Variants in VAV3 observed in about 807,000 individuals in gnomAD.
The protein encoded by VAV3 is guanine nucleotide exchange factor VAV3.
A neutral mutation model predicts 131.2 loss-of-function variants in VAV3; 94 were observed. The observed-to-expected ratio is 0.72, with a 90% CI of 0.61 to 0.85. The LOEUF (loss-of-function observed/expected upper bound fraction) is 0.85, where lower values mean the gene tolerates loss of function less well. VAV3 is among the 40% of genes least tolerant of loss of function. The pLI, the probability that VAV3 is intolerant of heterozygous loss-of-function variation, is 0.00. For missense variants in VAV3, 939 were observed against 1,002.7 expected, an observed-to-expected ratio of 0.94 and a Z score of 0.86; for synonymous variants, 349 against 342.0, an observed-to-expected ratio of 1.02 and a Z score of -0.22.
intron 25 of VAV3, among the ~76,000 whole-genome samples, chr1:107,577,583 G>T (rs907056019): frequency 5.3e-5 from 8 of 152,162 alleles, no homozygotes; most frequent in African/African-American, 1.9e-4. Context: ...GACAGCTTCT[G>T]GGACCTTTCC....
At chr1:107,658,898 T>C (rs1570701211) in intron 19 of VAV3, among the ~76,000 whole-genome samples, 2 of 152,042 alleles carry the variant, frequency 1.3e-5, no homozygotes, top group Admixed American at 1.3e-4. Flanking sequence ...ATTCTGTAGG[T>C]TGTCTGTTCA....
At chr1:107,631,452 T>C (rs1654472971) in intron 20 of VAV3, among the ~76,000 whole-genome samples, 1 of 146,000 alleles carries the variant, frequency 6.8e-6, no homozygotes, top group African/African-American at 2.5e-5. Context: ...TCTTCCACTC[T>C]AGTATACTTT....
intron 2 of VAV3, among the ~76,000 whole-genome samples, chr1:107,809,156 C>T (rs1667201005): frequency 6.6e-6 from 1 of 152,114 alleles, no homozygotes. Flanking sequence ...TTATTCTTGG[C>T]AACTGAAAAA....
intron 15 of VAV3, among the ~76,000 whole-genome samples, chr1:107,736,735 C>A (rs2101996970): frequency 6.6e-6 from 1 of 151,962 alleles, no homozygotes; most frequent in East Asian, 1.9e-4. Context: ...ACATTCCATG[C>A]TCATGGATAG....
At chr1:107,758,951 C>T (rs1331410935) in intron 10 of VAV3, among the ~76,000 whole-genome samples, 1 of 152,190 alleles carries the variant, frequency 6.6e-6, no homozygotes, top group Non-Finnish European at 1.5e-5. Flanking sequence ...TGACCCCTTA[C>T]TCTTCCTTTA....
At chr1:107,699,425 GC>G (rs1408850565) in intron 17 of VAV3, among the ~76,000 whole-genome samples, 4 of 152,242 alleles carry the variant, frequency 2.6e-5, no homozygotes, top group Non-Finnish European at 5.9e-5. Context: ...GCAGGGTACA[GC>G]CCCCCTCCTG....
intron 2 of VAV3, among the ~76,000 whole-genome samples, chr1:107,796,784 T>TA (rs1214152684): frequency 9.2e-6 from 1 of 108,972 alleles, no homozygotes; most frequent in East Asian, 2.2e-4. Flanking sequence ...GACATGCTGT[T>TA]ATTTGTAAAA....
Position 107,875,138 on chromosome 1 carries a change from T to C in VAV3, c.205-121A>G, listed in dbSNP as rs527873765. The C allele has an allele frequency of 4.7e-6, 4 of 856,844 alleles. No individual in the cohort carries two copies. In the African/African-American group the frequency reaches 5.1e-5, roughly 11 times the overall value. 53.1% of individuals were successfully genotyped at this position (856,844 alleles called of 1,614,324 possible). ...AGCATCAAGCAGCCTTTGAAGTTGC[T>C]TTTCAATTACTCATTCAGCAGTACT... On this transcript the variant is annotated intron_variant, in intron 1 of 26. Transcript: ENST00000370056.
Position 107,770,630 on chromosome 1 carries a change from A to G in VAV3, c.648+6T>C. The G allele has an allele frequency of 6.4e-7, 1 of 1,573,498 alleles. No individual in the cohort carries two copies. The highest frequency in any genetic ancestry group is 8.7e-7 in the Non-Finnish European group (1 of 1,144,110). ...TGGGCATCAAAAATAATACCTGATG[A>G]CTTACCTTTTCTATTGACTCCAAAG... On this transcript the variant is annotated splice_donor_region_variant and intron_variant, in intron 6 of 26. Coordinates refer to ENST00000370056, the MANE Select transcript of VAV3 (RefSeq NM_006113.5).
rs385585 is a variant in VAV3, at chr1:107,929,307, A to T, written c.204+35359T>A. 1.7e-3 allele frequency among the ~76,000 whole-genome samples: 247 copies of T among 144,388 alleles called. 18 individuals are homozygous for T. The highest frequency in any genetic ancestry group is 0.011 in the Middle Eastern group (3 of 272). 94.7% of individuals were successfully genotyped at this position (144,388 alleles called of 152,430 possible). Reference sequence around the variant, plus strand: ...TGTCTCAAAAAAAAAAAAAAAAAAAATTATGCCCTAGAACAGTATATTCAG... The same window carrying T: ...TGTCTCAAAAAAAAAAAAAAAAAAATTTATGCCCTAGAACAGTATATTCAG... On this transcript the variant is annotated intron_variant, in intron 1 of 26. Transcript: ENST00000370056.
intron 1 of VAV3, among the ~76,000 whole-genome samples, chr1:107,917,867 A>T (rs542906340): frequency 6.6e-6 from 1 of 152,298 alleles, no homozygotes; most frequent in South Asian, 2.1e-4. Flanking sequence ...TTTGAGCCAC[A>T]TATTGGTACT....
At chr1:107,716,516 G>T (rs945572225) in intron 15 of VAV3, among the ~76,000 whole-genome samples, 3 of 152,180 alleles carry the variant, frequency 2.0e-5, no homozygotes, top group Non-Finnish European at 4.4e-5. Flanking sequence ...CTTTGGTTCT[G>T]TTTATGTGAT....
At chr1:107,764,727 C>T (rs946693693) in intron 9 of VAV3, among the ~76,000 whole-genome samples, 8 of 152,164 alleles carry the variant, frequency 5.3e-5, no homozygotes, top group Admixed American at 2.6e-4. Flanking sequence ...CATTATCTAA[C>T]GTATCTCACT....
chr1:107,647,126 G>A (rs944851279), intron 19 of VAV3, among the ~76,000 whole-genome samples: 4 of 151,130 alleles, frequency 2.6e-5, no homozygotes, highest in Non-Finnish European at 4.4e-5. Flanking sequence ...GGCAAGAAGA[G>A]CGATTGCTAC....
chr1:107,634,428 G>GC (rs1158143098), intron 20 of VAV3, among the ~76,000 whole-genome samples: 2 of 152,048 alleles, frequency 1.3e-5, no homozygotes, highest in African/African-American at 4.8e-5. Flanking sequence ...TATGTAGAAA[G>GC]CTGAAACTGG....
At chr1:107,923,063 C>T (rs542422901) in intron 1 of VAV3, among the ~76,000 whole-genome samples, 2 of 152,010 alleles carry the variant, frequency 1.3e-5, no homozygotes, top group East Asian at 1.9e-4. Flanking sequence ...CCATCACCCT[C>T]AACAGCTTGC....
intron 1 of VAV3, among the ~76,000 whole-genome samples, chr1:107,945,449 G>A (rs926756418): frequency 6.6e-6 from 1 of 152,068 alleles, no homozygotes; most frequent in Non-Finnish European, 1.5e-5. Flanking sequence ...ACTAGTGCTG[G>A]TCATTGTGCT....
intron 2 of VAV3, among the ~76,000 whole-genome samples, chr1:107,780,810 C>A (rs1665644756): frequency 6.6e-6 from 1 of 152,100 alleles, no homozygotes; most frequent in Non-Finnish European, 1.5e-5. Flanking sequence ...ACCACTGTGC[C>A]CGGCCATAAA....
chr1:107,608,728 A>T (rs1000583931), intron 22 of VAV3, among the ~76,000 whole-genome samples: 4 of 152,202 alleles, frequency 2.6e-5, no homozygotes, highest in Non-Finnish European at 4.4e-5. Context: ...ACACTTTGAA[A>T]AGTAACTCAG....
Sources: gnomAD v4.1 joint callset for allele counts (sites outside exome capture counted in the v4.1 genomes callset) on GRCh38, gnomAD v4.1.1 for gene constraint, MANE v1.5 for transcripts, NCBI Gene and HGNC (gene_info 2026-07-23, HGNC 2026-07-21) for gene names.